SCHIP1: variants seen among roughly 807,000 people sequenced by gnomAD.
SCHIP1 encodes schwannomin interacting protein 1, also known as schwannomin-interacting protein 1.
Under a neutral mutation model 29.7 loss-of-function variants are expected in SCHIP1, and 8 were observed. The observed-to-expected ratio is 0.27, with a 90% confidence interval of 0.16 to 0.49. The LOEUF is 0.49. SCHIP1 is among the 20% of genes least tolerant of loss of function. SCHIP1 has a pLI of 0.99. For missense variants in SCHIP1, 193 were observed against 294.6 expected, an observed-to-expected ratio of 0.66 and a Z score of 2.52; for synonymous variants, 76 against 94.9, an observed-to-expected ratio of 0.80 and a Z score of 1.16.
chr3:159,759,869 CT>C, the SCHIP1 span, among the ~76,000 whole-genome samples: 6 of 152,214 alleles, frequency 3.9e-5, no homozygotes, highest in African/African-American at 1.4e-4. Context: ...AAATATTTTC[CT>C]GTCTATTCAT....
At chr3:159,763,557 C>T in the SCHIP1 span, among the ~76,000 whole-genome samples, 2 of 152,236 alleles carry the variant, frequency 1.3e-5, no homozygotes, top group Non-Finnish European at 2.9e-5. Context: ...CCCTCCAACC[C>T]CATCCCAGCC....
the SCHIP1 span, among the ~76,000 whole-genome samples, chr3:159,456,412 G>A: frequency 6.6e-6 from 1 of 152,146 alleles, no homozygotes; most frequent in Admixed American, 6.6e-5. Flanking sequence ...GGTTTGGAAA[G>A]ACGAACAAAA....
chr3:159,695,787 C>T, the SCHIP1 span, among the ~76,000 whole-genome samples: 1 of 152,152 alleles, frequency 6.6e-6, no homozygotes, highest in Non-Finnish European at 1.5e-5. Context: ...CCTAAGCCAG[C>T]CTGAATTCTC....
chr3:159,492,411 C>T, the SCHIP1 span, among the ~76,000 whole-genome samples: 2 of 152,098 alleles, frequency 1.3e-5, no homozygotes, highest in African/African-American at 2.4e-5. Flanking sequence ...CTTAAAGGAC[C>T]TGATGGAACT....
the SCHIP1 span, among the ~76,000 whole-genome samples, chr3:159,790,556 T>A: frequency 2.0e-5 from 3 of 152,138 alleles, no homozygotes; most frequent in African/African-American, 7.2e-5. Flanking sequence ...CATGGTGGTA[T>A]GTACCTGTAG....
At chr3:159,660,652 G>T in the SCHIP1 span, among the ~76,000 whole-genome samples, 2 of 152,134 alleles carry the variant, frequency 1.3e-5, no homozygotes, top group Non-Finnish European at 2.9e-5. Context: ...TGTGCTCAAG[G>T]CTCGAATTAA....
chr3:159,517,793 A>C, the SCHIP1 span, among the ~76,000 whole-genome samples: 986 of 152,220 alleles, frequency 6.5e-3, 10 homozygotes, highest in African/African-American at 0.022. Context: ...CATTCAGTGA[A>C]GCTACATATT....
the SCHIP1 span, among the ~76,000 whole-genome samples, chr3:159,517,089 G>A: frequency 6.6e-6 from 1 of 152,176 alleles, no homozygotes; most frequent in Non-Finnish European, 1.5e-5. Flanking sequence ...GTATTCTGAA[G>A]GTGAGAAGAC....
At chr3:159,542,720 T>A in the SCHIP1 span, among the ~76,000 whole-genome samples, 6 of 152,010 alleles carry the variant, frequency 3.9e-5, no homozygotes, top group Admixed American at 1.3e-4. Context: ...AGTTATATCC[T>A]CTCACAAAGG....
chr3:159,552,293 G>C, the SCHIP1 span, among the ~76,000 whole-genome samples: 1 of 152,086 alleles, frequency 6.6e-6, no homozygotes, highest in South Asian at 2.1e-4. Context: ...TGATCCACCA[G>C]CCTCAGCCTC....
chr3:159,503,866 A>G, the SCHIP1 span, among the ~76,000 whole-genome samples: 1 of 152,342 alleles, frequency 6.6e-6, no homozygotes, highest in African/African-American at 2.4e-5. Flanking sequence ...GGAATCATAG[A>G]TAAAAGGGGG....
chr3:159,422,190 G>A, the SCHIP1 span, among the ~76,000 whole-genome samples: 2 of 152,162 alleles, frequency 1.3e-5, no homozygotes, highest in African/African-American at 2.4e-5. Context: ...GCAGAAGTCT[G>A]AGGGTGCCTT....
the SCHIP1 span, among the ~76,000 whole-genome samples, chr3:159,300,113 C>CTTTTTTTTTTTTTTTTTTTTTTTT: frequency 2.2e-5 from 1 of 45,356 alleles, no homozygotes; most frequent in Non-Finnish European, 4.0e-5. Flanking sequence ...GGGAAAGCTG[C>CTTTTTTTTTTTTTTTTTTTTTTTT]TTTTTTTTTT....
chr3:159,491,118 AC>A, the SCHIP1 span, among the ~76,000 whole-genome samples: 1 of 152,314 alleles, frequency 6.6e-6, no homozygotes, highest in South Asian at 2.1e-4. Flanking sequence ...CAAGACTGAG[AC>A]AGTGGGGAGC....
At chr3:159,816,052 G>A in the SCHIP1 span, among the ~76,000 whole-genome samples, 3 of 151,974 alleles carry the variant, frequency 2.0e-5, no homozygotes, top group East Asian at 3.9e-4. Flanking sequence ...AGGTTCAAGC[G>A]AGTCTCCTGC....
At chr3:159,474,198 C>A in the SCHIP1 span, among the ~76,000 whole-genome samples, 1 of 152,124 alleles carries the variant, frequency 6.6e-6, no homozygotes, top group Non-Finnish European at 1.5e-5. Flanking sequence ...TTATAAACAA[C>A]CTCTAATGCT....
chr3:159,764,512 T>A, the SCHIP1 span: 1 of 1,586,970 alleles, frequency 6.3e-7, no homozygotes, highest in Non-Finnish European at 8.6e-7. The surrounding 1 kb of genome is among the most constrained non-coding windows in gnomAD (Gnocchi z 6.1). Flanking sequence ...CCGCGCCAGT[T>A]CACAGTCCAA....
chr3:159,665,997 C>T, the SCHIP1 span, among the ~76,000 whole-genome samples: 10 of 152,284 alleles, frequency 6.6e-5, no homozygotes, highest in South Asian at 4.1e-4. Flanking sequence ...CTCTCGTTAT[C>T]GCCTACATTT....
the SCHIP1 span, among the ~76,000 whole-genome samples, chr3:159,377,637 T>A: frequency 1.3e-5 from 2 of 152,200 alleles, no homozygotes; most frequent in African/African-American, 4.8e-5. Context: ...CTCCTGGGGA[T>A]TGTGAATCCT....
Sources: allele counts gnomAD v4.1 joint callset (sites outside exome capture counted in the v4.1 genomes callset), GRCh38; gene constraint gnomAD v4.1.1; non-coding constraint Gnocchi (gnomAD v3.1); transcripts MANE v1.5; gene names NCBI Gene and HGNC (gene_info 2026-07-23, HGNC 2026-07-21).